The following NRG1 variants were observed in gnomAD, a reference collection of about 807,000 sequenced individuals.
The protein encoded by NRG1 is neuregulin 1, also known as pro-neuregulin-1, membrane-bound isoform.
NRG1 carries 18 observed loss-of-function variants against 63.8 expected under a neutral mutation model. The observed-to-expected ratio is 0.28, with a 90% confidence interval of 0.19 to 0.42. The LOEUF is 0.42. Among genes scored for constraint, NRG1 ranks in the 10% least tolerant of loss-of-function variants. NRG1 has a pLI of 1.00. For synonymous variants in NRG1, 302 were observed against 301.3 expected (o/e 1.00, Z -0.02); for missense variants, 762 against 814.7 (o/e 0.94, Z 0.79).
At chr8:31,908,741 T>C (rs886224814) in intron 1 of NRG1, among the ~76,000 whole-genome samples, 4 of 152,204 alleles carry the variant, frequency 2.6e-5, no homozygotes, top group African/African-American at 9.6e-5. Context: ...TATTACTTTT[T>C]GTATTATATA....
chr8:31,730,473 C>G (rs1364784465), intron 1 of NRG1, among the ~76,000 whole-genome samples: 1 of 152,052 alleles, frequency 6.6e-6, no homozygotes, highest in Non-Finnish European at 1.5e-5. Context: ...ACACACATAA[C>G]TATTGAATAA....
chr8:32,685,588 T>C (rs1398676940), intron 5 of NRG1, among the ~76,000 whole-genome samples: 2 of 152,224 alleles, frequency 1.3e-5, no homozygotes, highest in Non-Finnish European at 2.9e-5. Flanking sequence ...CAAATCTTCA[T>C]GTATAGTGTG....
Position 32,148,297 on chromosome 8 carries a change from A to C in NRG1, c.38-447531A>C, listed in dbSNP as rs185869975. On this transcript the variant is annotated intron_variant, in intron 1 of 10. Transcript: ENST00000519301. ...CCCACACAATCAGGCCCTAGGACCC[A>C]AGCCCTAACCACTGTGCCAAAATCA... Among the ~76,000 whole-genome samples the C allele has an allele frequency of 4.7e-3, 712 of 152,332 alleles. 4 individuals are homozygous for C. The highest frequency in any genetic ancestry group is 0.016 in the African/African-American group (672 of 41,580).
chr8:31,888,522 G>A (rs994154976), intron 1 of NRG1, among the ~76,000 whole-genome samples: 1 of 152,008 alleles, frequency 6.6e-6, no homozygotes, highest in African/African-American at 2.4e-5. Context: ...TGTCTGCTTG[G>A]CTTTTTGAGG....
chr8:32,588,969 G>A (rs531021508), intron 1 of NRG1, among the ~76,000 whole-genome samples: 13 of 152,236 alleles, frequency 8.5e-5, no homozygotes, highest in African/African-American at 2.2e-4. Context: ...AGCACAGGGC[G>A]GGGTGAGCAC....
In NRG1 at chr8:32,369,323, G is replaced by C. The variant is rs187785340; in HGVS notation, c.38-226505G>C. On this transcript the variant is annotated intron_variant, in intron 1 of 10. Coordinates refer to the NRG1 transcript ENST00000519301. Reference sequence around the variant, plus strand: ...AGTCAGGACCCAGATGGGAAAGAAAGCATCTTGCCACACTCAAATCTCATC... The same window carrying C: ...AGTCAGGACCCAGATGGGAAAGAAACCATCTTGCCACACTCAAATCTCATC... 5.0e-3 allele frequency among the ~76,000 whole-genome samples: 768 copies of C among 152,346 alleles called. 6 individuals are homozygous for C. Among genetic ancestry groups the C allele is most frequent in the African/African-American group, 0.018 (732 of 41,586 alleles).
intron 1 of NRG1, among the ~76,000 whole-genome samples, chr8:32,034,942 G>C (rs1210024244): frequency 6.7e-6 from 1 of 148,698 alleles, no homozygotes; most frequent in East Asian, 2.0e-4. Context: ...TGTCTTTATT[G>C]CCTTCAGTTC....
In NRG1 at chr8:32,146,004, G is replaced by A. The variant is rs77044147; in HGVS notation, c.38-449824G>A. Among the ~76,000 whole-genome samples, 850 of 152,306 alleles carry A rather than the reference G, an allele frequency of 5.6e-3. 21 individuals carry two copies. The East Asian group carries it at 0.068, about 12-fold the overall frequency. ...ATCTCATGTTGGTTCTTCCAGAGCA[G>A]GGGCAGCTAGAGTCTAATAATTTCT... On this transcript the variant is annotated intron_variant, in intron 1 of 10. Coordinates refer to the NRG1 transcript ENST00000519301.
chr8:32,331,063 T>G (rs879525055), intron 1 of NRG1, among the ~76,000 whole-genome samples: 2 of 152,126 alleles, frequency 1.3e-5, no homozygotes, highest in Admixed American at 1.3e-4. Flanking sequence ...GAACACCCTG[T>G]GACAATTCCT....
intron 1 of NRG1, among the ~76,000 whole-genome samples, chr8:31,935,564 GTTT>G (rs1835233362): frequency 2.0e-5 from 3 of 152,164 alleles, no homozygotes; most frequent in Non-Finnish European, 4.4e-5. Flanking sequence ...GCCTCTCATT[GTTT>G]TCCATCTGAC....
intron 1 of NRG1, among the ~76,000 whole-genome samples, chr8:31,770,015 G>A (rs1396265359): frequency 6.6e-6 from 1 of 152,092 alleles, no homozygotes; most frequent in Non-Finnish European, 1.5e-5. Context: ...ATAGGTGTTG[G>A]CATCTGTGGA....
At chr8:32,061,246 C>A (rs1250619274) in intron 1 of NRG1, among the ~76,000 whole-genome samples, 1 of 151,886 alleles carries the variant, frequency 6.6e-6, no homozygotes, top group Non-Finnish European at 1.5e-5. Context: ...GATAACATGT[C>A]TTTAATTTTT....
intron 1 of NRG1, among the ~76,000 whole-genome samples, chr8:32,539,086 T>G (rs2129520395): frequency 6.6e-6 from 1 of 152,058 alleles, no homozygotes; most frequent in South Asian, 2.1e-4. Context: ...TATAAGAGGC[T>G]AGAAAACCAT....
At chr8:32,483,976 G>T (rs556470347) in intron 1 of NRG1, among the ~76,000 whole-genome samples, 5 of 152,100 alleles carry the variant, frequency 3.3e-5, no homozygotes, top group African/African-American at 1.2e-4. Flanking sequence ...GGTGTCAGGC[G>T]CCTGCAGTCC....
At chr8:32,128,087 T>C (rs771558547) in intron 1 of NRG1, among the ~76,000 whole-genome samples, 1 of 151,940 alleles carries the variant, frequency 6.6e-6, no homozygotes, top group Non-Finnish European at 1.5e-5. Flanking sequence ...CTGCAACATA[T>C]TTGGCTGAAC....
chr8:32,622,828 G>T (rs1848574869), intron 5 of NRG1, among the ~76,000 whole-genome samples: 1 of 152,204 alleles, frequency 6.6e-6, no homozygotes, highest in Admixed American at 6.5e-5. Context: ...ATGGAAGAGA[G>T]CTAGTGTGTG....
chr8:31,693,496 G>GT (rs959208311), intron 1 of NRG1, among the ~76,000 whole-genome samples: 23 of 123,850 alleles, frequency 1.9e-4, no homozygotes, highest in African/African-American at 5.9e-4. Context: ...CTAAAATGCA[G>GT]TAAAAAAAAA....
At chr8:32,357,799 C>A (rs980135929) in intron 1 of NRG1, among the ~76,000 whole-genome samples, 33 of 152,184 alleles carry the variant, frequency 2.2e-4, no homozygotes, top group African/African-American at 7.2e-4. Context: ...ATTTATAAGA[C>A]ACTGTCTTTG....
chr8:32,701,664 G>T (rs1814926493), intron 5 of NRG1, among the ~76,000 whole-genome samples: 1 of 152,146 alleles, frequency 6.6e-6, no homozygotes, highest in African/African-American at 2.4e-5. Flanking sequence ...ACTAAAAGAT[G>T]ATTCACTTTC....
Sources: allele counts gnomAD v4.1 joint callset (sites outside exome capture counted in the v4.1 genomes callset), GRCh38; gene constraint gnomAD v4.1.1; transcripts MANE v1.5; gene names NCBI Gene and HGNC (gene_info 2026-07-23, HGNC 2026-07-21).